The following SLC4A4 variants were observed in gnomAD, a reference collection of about 807,000 sequenced individuals.
SLC4A4 encodes solute carrier family 4 member 4.
A neutral mutation model predicts 111.5 loss-of-function variants in SLC4A4; 27 were observed. The observed-to-expected ratio is 0.24, with a 90% CI of 0.18 to 0.33. The LOEUF (loss-of-function observed/expected upper bound fraction) is 0.33. SLC4A4 is among the 10% of genes least tolerant of loss of function. The pLI, the probability that SLC4A4 is intolerant of heterozygous loss-of-function variation, is 1.00. For missense variants in SLC4A4, 909 were observed against 1,315.5 expected, an observed-to-expected ratio of 0.69 and a Z score of 4.78; for synonymous variants, 443 against 463.4, an observed-to-expected ratio of 0.96 and a Z score of 0.57.
chr4:71,281,140 G>A (rs993671665), intron 3 of SLC4A4, among the ~76,000 whole-genome samples: 2 of 151,858 alleles, frequency 1.3e-5, no homozygotes, highest in Non-Finnish European at 2.9e-5. Flanking sequence ...CCTGACTTGC[G>A]TTTGCATGCT....
intron 19 of SLC4A4, 33 bp downstream of exon 19, chr4:71,546,561 AAC>A (rs1560608640): frequency 6.3e-7 from 1 of 1,584,386 alleles, no homozygotes; most frequent in Non-Finnish European, 8.7e-7. Context: ...GGCTCCCGAA[AAC>A]ACACTGTGCA....
intron 6 of SLC4A4, among the ~76,000 whole-genome samples, chr4:71,382,206 T>C (rs1718212668): frequency 1.3e-5 from 2 of 152,076 alleles, no homozygotes; most frequent in South Asian, 4.2e-4. Context: ...ATCAATGATG[T>C]GATCGAAGTT....
chr4:71,066,666 A>G (rs77667782), intron 1 of SLC4A4, among the ~76,000 whole-genome samples: 172 of 152,330 alleles, frequency 1.1e-3, no homozygotes, highest in African/African-American at 4.0e-3. Flanking sequence ...TGCTGTTAAT[A>G]CTATCAAGTT....
intron 2 of SLC4A4, among the ~76,000 whole-genome samples, chr4:71,242,047 G>A (rs572862458): frequency 6.6e-6 from 1 of 152,262 alleles, no homozygotes; most frequent in South Asian, 2.1e-4. Context: ...TGATAGTTCC[G>A]TGTGTTTTTG....
At chr4:71,073,308 T>A (rs1389173818) in intron 1 of SLC4A4, among the ~76,000 whole-genome samples, 1 of 152,198 alleles carries the variant, frequency 6.6e-6, no homozygotes, top group Non-Finnish European at 1.5e-5. Flanking sequence ...TCCAGAGCAA[T>A]GTTAGATAAT....
intron 6 of SLC4A4, among the ~76,000 whole-genome samples, chr4:71,391,369 A>G (rs887114286): frequency 6.6e-6 from 1 of 152,034 alleles, no homozygotes; most frequent in African/African-American, 2.4e-5. Context: ...GAGGACGTTT[A>G]TGTGTCATTG....
chr4:71,259,829 C>A (rs1560822434), intron 3 of SLC4A4, among the ~76,000 whole-genome samples: 1 of 152,122 alleles, frequency 6.6e-6, no homozygotes, highest in Non-Finnish European at 1.5e-5. Context: ...TACTTTGTGA[C>A]TGTAGAGATC....
chr4:71,136,454 G>A lies in SLC4A4; in HGVS notation c.-2+43662G>A, dbSNP rs1262515419. Among the ~76,000 whole-genome samples, 4 of 152,322 alleles carry A rather than the reference G, an allele frequency of 2.6e-5. No homozygotes were observed. The East Asian group carries it at 7.7e-4, about 29-fold the overall frequency. ...CTTTAGTGACCACTGAAGAGTCAGT[G>A]TTAGTGCGGGGTTGCCTGTTAACCC... On this transcript the variant is annotated intron_variant, in intron 2 of 26. Transcript: ENST00000649996.
At chr4:71,379,135 CTACGT>C (rs1404813383) in intron 6 of SLC4A4, among the ~76,000 whole-genome samples, 1 of 152,178 alleles carries the variant, frequency 6.6e-6, no homozygotes, top group African/African-American at 2.4e-5. Context: ...CCAGAAGGAT[CTACGT>C]TATGAACGCC....
At chr4:71,413,639 C>A (rs995837084) in intron 7 of SLC4A4, among the ~76,000 whole-genome samples, 1 of 152,114 alleles carries the variant, frequency 6.6e-6, no homozygotes, top group African/African-American at 2.4e-5. Flanking sequence ...TAATGGTTTT[C>A]TGTCCCCATG....
intron 2 of SLC4A4, among the ~76,000 whole-genome samples, chr4:71,163,592 G>T (rs895040904): frequency 6.6e-6 from 1 of 152,158 alleles, no homozygotes; most frequent in Admixed American, 6.5e-5. Flanking sequence ...TAGATATATA[G>T]ACTTACTAAG....
chr4:71,336,581 A>C (rs1560420256), intron 3 of SLC4A4, among the ~76,000 whole-genome samples: 1 of 151,786 alleles, frequency 6.6e-6, no homozygotes, highest in African/African-American at 2.4e-5. Context: ...CAGAGCATGC[A>C]TTTTTTTTCA....
chr4:71,148,841 A>G (rs2148970812), intron 2 of SLC4A4, among the ~76,000 whole-genome samples: 1 of 152,270 alleles, frequency 6.6e-6, no homozygotes, highest in South Asian at 2.1e-4. Context: ...ACTATTGTGA[A>G]TAGTGTACAT....
intron 1 of SLC4A4, among the ~76,000 whole-genome samples, chr4:71,193,453 C>G (rs776452727): frequency 1.3e-5 from 2 of 152,192 alleles, no homozygotes; most frequent in African/African-American, 2.4e-5. Context: ...GCCACCGCGC[C>G]CGGCCCATGT....
At chr4:71,140,121 T>C (rs1743954485) in intron 2 of SLC4A4, among the ~76,000 whole-genome samples, 1 of 152,130 alleles carries the variant, frequency 6.6e-6, no homozygotes, top group Admixed American at 6.5e-5. Context: ...CCAATGGGAA[T>C]AAACAAAATC....
chr4:71,510,826 G>A (rs553076353), intron 16 of SLC4A4, among the ~76,000 whole-genome samples: 27 of 152,084 alleles, frequency 1.8e-4, no homozygotes, highest in African/African-American at 5.3e-4. Context: ...TTTGTGATTA[G>A]ATAATTTTTT....
At chr4:71,452,178 A>T (rs1204186056) in intron 11 of SLC4A4, among the ~76,000 whole-genome samples, 1 of 152,068 alleles carries the variant, frequency 6.6e-6, no homozygotes, top group East Asian at 1.9e-4. Flanking sequence ...CATTCTCCTG[A>T]TGACCCACTT....
chr4:71,169,186 T>TC (rs1450729202), intron 2 of SLC4A4, among the ~76,000 whole-genome samples: 1 of 151,848 alleles, frequency 6.6e-6, no homozygotes, highest in African/African-American at 2.4e-5. Flanking sequence ...TTTTTTTTTT[T>TC]TTTTAATTTA....
rs763990419 is a variant in SLC4A4, at chr4:71,546,536, A to C, written c.2621+8A>C. 1 of 1,611,134 alleles carries C rather than the reference A, an allele frequency of 6.2e-7. No homozygotes were observed. The highest frequency in any genetic ancestry group is 8.5e-7 in the Non-Finnish European group (1 of 1,178,248). On this transcript the variant is annotated splice_region_variant and intron_variant, in intron 19 of 25. Coordinates refer to ENST00000264485, the MANE Select transcript of SLC4A4 (RefSeq NM_001098484.3). The stretch of plus-strand genomic sequence containing the variant: ...AAAGTTTCTAGGAGTGAGGTGTGTT[A>C]ACTCAGAGGAAAATGGCTCCCGAAA...
Sources: allele counts gnomAD v4.1 joint callset (sites outside exome capture counted in the v4.1 genomes callset), GRCh38; gene constraint gnomAD v4.1.1; transcripts MANE v1.5; gene names NCBI Gene and HGNC (gene_info 2026-07-23, HGNC 2026-07-21).